PDE7B: variants seen among roughly 807,000 people sequenced by gnomAD.
The protein encoded by PDE7B is phosphodiesterase 7B.
A neutral mutation model predicts 56.2 loss-of-function variants in PDE7B; 29 were observed. That is an observed-to-expected ratio of 0.52 (90% CI 0.38 to 0.70). The LOEUF (loss-of-function observed/expected upper bound fraction) is 0.70, where lower values mean the gene tolerates loss of function less well. Ranked by LOEUF, PDE7B falls within the 30% of genes least tolerant of loss-of-function variation. PDE7B has a pLI of 0.00. For synonymous variants in PDE7B, 197 were observed against 196.9 expected (o/e 1.00, Z 0.00); for missense variants, 490 against 565.0 (o/e 0.87, Z 1.35).
intron 2 of PDE7B, among the ~76,000 whole-genome samples, chr6:136,006,524 T>C (rs143012790): frequency 0.015 from 2,299 of 152,284 alleles, 29 homozygotes; most frequent in Non-Finnish European, 0.023. Flanking sequence ...TTCAATGATA[T>C]TGATTCTTCC....
chr6:136,153,298 G>A (rs1392645910), intron 6 of PDE7B, among the ~76,000 whole-genome samples: 1 of 152,228 alleles, frequency 6.6e-6, no homozygotes, highest in Non-Finnish European at 1.5e-5. Flanking sequence ...CAGATTCATA[G>A]CAATGGGCTG....
chr6:136,120,899 G>T (rs1777922331), intron 3 of PDE7B, among the ~76,000 whole-genome samples: 1 of 152,092 alleles, frequency 6.6e-6, no homozygotes, highest in African/African-American at 2.4e-5. Flanking sequence ...GTTTGGGCTA[G>T]TATAGACAAG....
chr6:136,028,074 T>C (rs1403923030), intron 2 of PDE7B, among the ~76,000 whole-genome samples: 2 of 152,344 alleles, frequency 1.3e-5, no homozygotes, highest in Middle Eastern at 3.4e-3. Context: ...CATGTTTTTG[T>C]ATATCAAGCA....
At chr6:135,953,009 C>A (rs1020100746) in intron 2 of PDE7B, among the ~76,000 whole-genome samples, 2 of 152,034 alleles carry the variant, frequency 1.3e-5, no homozygotes, top group African/African-American at 4.8e-5. Context: ...AATTTTAAAC[C>A]AATGCATATT....
At chr6:136,162,327 A>C (rs1019854697) in intron 8 of PDE7B, 1 of 152,192 alleles carries the variant, frequency 6.6e-6, no homozygotes, top group Non-Finnish European at 1.5e-5. Context: ...CCTTCTTCAC[A>C]TGGTGACAGG....
chr6:136,146,960 G>A (rs762515584), intron 3 of PDE7B, among the ~76,000 whole-genome samples: 2 of 151,942 alleles, frequency 1.3e-5, no homozygotes, highest in Non-Finnish European at 2.9e-5. Flanking sequence ...TGGGCAACAT[G>A]GCAAAAACTT....
intron 2 of PDE7B, among the ~76,000 whole-genome samples, chr6:136,068,096 G>C (rs906756747): frequency 1.3e-5 from 2 of 152,222 alleles, no homozygotes; most frequent in Non-Finnish European, 2.9e-5. Context: ...TATTTGAAGA[G>C]AGTTAGTCCG....
At chr6:136,099,583 A>C (rs1325948558) in intron 2 of PDE7B, among the ~76,000 whole-genome samples, 2 of 152,202 alleles carry the variant, frequency 1.3e-5, no homozygotes, top group East Asian at 3.9e-4. Context: ...TCTTTTGAGA[A>C]GTGTCTGTTC....
chr6:135,961,271 G>GTGTA (rs1242080963), intron 2 of PDE7B, among the ~76,000 whole-genome samples: 1 of 142,012 alleles, frequency 7.0e-6, no homozygotes, highest in African/African-American at 2.8e-5. Flanking sequence ...GTGTGTGTGT[G>GTGTA]TGTGTGTGTA....
chr6:136,157,154 G>C (rs2128448024), intron 8 of PDE7B, among the ~76,000 whole-genome samples: 1 of 152,178 alleles, frequency 6.6e-6, no homozygotes, highest in African/African-American at 2.4e-5. Context: ...TCAACTTTTT[G>C]GTTTCCAGAG....
At chr6:136,132,209 A>G (rs1778130238) in intron 3 of PDE7B, among the ~76,000 whole-genome samples, 1 of 152,008 alleles carries the variant, frequency 6.6e-6, no homozygotes, top group South Asian at 2.1e-4. Flanking sequence ...CACTTCCCCC[A>G]GCCCCTAGCA....
intron 8 of PDE7B, among the ~76,000 whole-genome samples, chr6:136,163,611 C>T: frequency 6.6e-6 from 1 of 152,214 alleles, no homozygotes; most frequent in Admixed American, 6.5e-5. Flanking sequence ...TGAATTTCTC[C>T]CCAGAAAATG....
chr6:135,871,217 A>G (rs1775373332), intron 1 of PDE7B, among the ~76,000 whole-genome samples: 1 of 152,206 alleles, frequency 6.6e-6, no homozygotes, highest in South Asian at 2.1e-4. Context: ...TCATTATTAT[A>G]TATTTTACTT....
chr6:135,995,533 G>C (rs1197265646), intron 2 of PDE7B, among the ~76,000 whole-genome samples: 4 of 152,182 alleles, frequency 2.6e-5, no homozygotes, highest in Admixed American at 6.5e-5. Context: ...ATGAAAGCCA[G>C]TGTGGACAAA....
At chr6:136,138,003 C>G (rs1778245487) in intron 3 of PDE7B, among the ~76,000 whole-genome samples, 1 of 151,984 alleles carries the variant, frequency 6.6e-6, no homozygotes, top group Admixed American at 6.6e-5. Context: ...ATAACTATTC[C>G]AAATGAGAAT....
At chr6:135,997,413 C>CAAAAAAAAAAA (rs59388049) in intron 2 of PDE7B, among the ~76,000 whole-genome samples, 2 of 10,714 alleles carry the variant, frequency 1.9e-4, no homozygotes, top group African/African-American at 4.0e-4. Context: ...GACCCTGTCT[C>CAAAAAAAAAAA]AAAAAAAAAA....
chr6:136,126,519 A>G (rs1778025439), intron 3 of PDE7B, among the ~76,000 whole-genome samples: 1 of 152,218 alleles, frequency 6.6e-6, no homozygotes. Context: ...TTATAGTAGC[A>G]CCATTTGCAA....
intron 2 of PDE7B, among the ~76,000 whole-genome samples, chr6:136,086,925 C>T (rs1048309135): frequency 5.9e-5 from 9 of 152,130 alleles, no homozygotes; most frequent in Non-Finnish European, 1.2e-4. Flanking sequence ...TGCCAATCAC[C>T]ACACAAACTG....
intron 2 of PDE7B, among the ~76,000 whole-genome samples, chr6:135,964,041 T>C (rs1305650366): frequency 6.6e-6 from 1 of 152,134 alleles, no homozygotes; most frequent in African/African-American, 2.4e-5. Flanking sequence ...TGTTCTCTCA[T>C]TGAAAAATTA....
Sources: gnomAD v4.1 joint callset for allele counts (sites outside exome capture counted in the v4.1 genomes callset) on GRCh38, gnomAD v4.1.1 for gene constraint, MANE v1.5 for transcripts, NCBI Gene and HGNC (gene_info 2026-07-23, HGNC 2026-07-21) for gene names.